CPNE9: variants seen among roughly 807,000 people sequenced by gnomAD.
The protein encoded by CPNE9 is copine family member 9.
A neutral mutation model predicts 83.0 loss-of-function variants in CPNE9; 59 were observed. The observed-to-expected ratio is 0.71, with a 90% CI of 0.58 to 0.88. CPNE9 has a LOEUF of 0.88. Ranked by LOEUF, CPNE9 falls within the 40% of genes least tolerant of loss-of-function variation. The probability of loss-of-function intolerance (pLI) is 0.00; values close to 1 mark genes in which losing one functional copy is unlikely to be tolerated. For missense variants in CPNE9, 619 were observed against 720.8 expected (o/e 0.86, Z 1.62); for synonymous variants, 256 against 273.4 (o/e 0.94, Z 0.63).
At position 9,704,598 on chromosome 3, in the gene CPNE9, A is replaced by G. The variant is rs1333701778; in HGVS notation, c.80A>G (p.Asp27Gly). Residue 27 changes from aspartate to glycine, a missense_variant, in exon 2 of 21, where the codon GAC (aspartate) becomes GGC (glycine). Physicochemically the swap from Asp to Gly is moderately conservative, Grantham distance 94 (BLOSUM62 -1). Around this residue, in one of 3 missense-constraint regions of CPNE9, gnomAD observed 130 missense variants for 117.5 expected, o/e 1.11. Transcript: ENST00000383832. The surrounding 1 kb of genome is among the most constrained non-coding windows in gnomAD (Gnocchi z 7.1). ...TTGCTTTTCTCTAGGAACCTGCTAG[A>G]CCTTGATACCTTCTCCAAGTCCGAC... ...EITVSCRNLL[D>G]LDTFSKSDPM... 1.9e-6 allele frequency: 3 copies of G among 1,613,864 alleles called. No homozygotes were observed. Among genetic ancestry groups the G allele is most frequent in the Non-Finnish European group, 2.5e-6 (3 of 1,179,818 alleles).
chr3:9,725,615 C>CATGTGTATATATATGTATATACATGT (rs1553691774), intron 17 of CPNE9, among the ~76,000 whole-genome samples: 3 of 81,606 alleles, frequency 3.7e-5, no homozygotes, highest in East Asian at 2.4e-4. Context: ...TATGTGTATA[C>CATGTGTATATATATGTATATACATGT]ATGTGTATAT....
In CPNE9 at chr3:9,718,469, T is replaced by C. The variant is rs760809554; in HGVS notation, c.1114-6T>C. 6.2e-7 allele frequency: 1 copy of C among 1,611,968 alleles called. No homozygotes were observed. Among genetic ancestry groups the C allele is most frequent in the South Asian group, 1.1e-5 (1 of 90,988 alleles). Reference sequence around the variant, plus strand: ...GCTCAGCCTGGCAGGGCATATTCTTTGACAGAACAACAATGATGAGGACCC... The same window carrying C: ...GCTCAGCCTGGCAGGGCATATTCTTCGACAGAACAACAATGATGAGGACCC... On this transcript the variant is annotated splice_polypyrimidine_tract_variant and splice_region_variant and intron_variant, in intron 16 of 20. Coordinates refer to ENST00000383832, the MANE Select transcript of CPNE9 (RefSeq NM_153635.3).
chr3:9,710,680 G>A (rs1405250012), intron 7 of CPNE9, among the ~76,000 whole-genome samples: 1 of 152,208 alleles, frequency 6.6e-6, no homozygotes, highest in African/African-American at 2.4e-5. Flanking sequence ...GTGTGGGTTA[G>A]GCAGAGTGAG....
At position 9,705,750 on chromosome 3, in the gene CPNE9, G is replaced by A. The variant is rs1488673808; in HGVS notation, c.300+30G>A. 3.7e-6 allele frequency: 6 copies of A among 1,608,690 alleles called. No individual in the cohort carries two copies. The South Asian group carries it at 4.4e-5, about 12-fold the overall frequency. ...GGCTGAATGGGGCTGGGCAGAGGTT[G>A]GGGGTGGGGGTGGTATTGTGGAGAA... On this transcript the variant is annotated intron_variant, in intron 6 of 20. Coordinates refer to ENST00000383832, the MANE Select transcript of CPNE9 (RefSeq NM_153635.3).
At chr3:9,724,147 A>G (rs1051449617) in intron 17 of CPNE9, among the ~76,000 whole-genome samples, 2 of 151,798 alleles carry the variant, frequency 1.3e-5, no homozygotes, top group Non-Finnish European at 1.5e-5. Flanking sequence ...CTGGAAGTCA[A>G]GAGACCAGGG....
chr3:9,721,933 T>G (rs2125473423), intron 17 of CPNE9, among the ~76,000 whole-genome samples: 1 of 152,082 alleles, frequency 6.6e-6, no homozygotes, highest in South Asian at 2.1e-4. Context: ...GTTTTTTTTT[T>G]TTTGAGATGG....
At chr3:9,705,087 T>A in intron 4 of CPNE9, 93 bp downstream of exon 4, 1 of 916,304 alleles carries the variant, frequency 1.1e-6, no homozygotes, top group Non-Finnish European at 1.7e-6. Flanking sequence ...GCCTCCGGCC[T>A]GGTTCTTCTC....
chr3:9,727,377 G>C (rs183027210), intron 20 of CPNE9, 191 bp downstream of exon 20: 5 of 749,520 alleles, frequency 6.7e-6, no homozygotes, highest in Admixed American at 2.0e-5. Flanking sequence ...CACATCCGTG[G>C]TGTAGGTCGG....
chr3:9,715,002 G>T (rs776754488), intron 11 of CPNE9, 47 bp downstream of exon 11: 1 of 1,554,304 alleles, frequency 6.4e-7, no homozygotes, highest in Admixed American at 1.8e-5. Flanking sequence ...GACCCAAGCA[G>T]TTCTCAATAA....
At chr3:9,724,723 TC>T (rs1373335325) in intron 17 of CPNE9, among the ~76,000 whole-genome samples, 1 of 1,486 alleles carries the variant, frequency 6.7e-4, no homozygotes, top group African/African-American at 4.1e-3. Context: ...CAGGATCCTA[TC>T]TATCTATCTA....
chr3:9,727,050 G>GA, intron 19 of CPNE9, 63 bp from the exon 20 acceptor site: 2 of 1,567,472 alleles, frequency 1.3e-6, no homozygotes, highest in Non-Finnish European at 1.8e-6. Context: ...AGCTCAAAGG[G>GA]AGGGGGCAGC....
At chr3:9,718,667 G>A in intron 17 of CPNE9, 65 bp downstream of exon 17, 2 of 1,568,444 alleles carry the variant, frequency 1.3e-6, no homozygotes, top group South Asian at 1.1e-5. Context: ...ACCCCCCAAG[G>A]ATAGTCAGGA....
intron 17 of CPNE9, among the ~76,000 whole-genome samples, chr3:9,720,463 T>C (rs1206313254): frequency 1.3e-5 from 2 of 152,184 alleles, no homozygotes; most frequent in Non-Finnish European, 2.9e-5. Flanking sequence ...GGGTTTGTTG[T>C]ACAGATTATT....
chr3:9,727,607 A>G (rs2076796426), intron 20 of CPNE9, among the ~76,000 whole-genome samples: 1 of 152,204 alleles, frequency 6.6e-6, no homozygotes, highest in Non-Finnish European at 1.5e-5. Context: ...GAGGAGCAGC[A>G]TGTGAGAAGG....
intron 8 of CPNE9, 27 bp downstream of exon 8, chr3:9,712,631 A>G: frequency 1.2e-6 from 2 of 1,611,880 alleles, no homozygotes; most frequent in Non-Finnish European, 1.7e-6. Context: ...TGCTAGACCC[A>G]GGAGCTCCCT....
At chr3:9,727,069 G>A (rs1300411164) in intron 19 of CPNE9, 44 bp from the exon 20 acceptor site, 1 of 1,606,932 alleles carries the variant, frequency 6.2e-7, no homozygotes, top group Non-Finnish European at 8.5e-7. Flanking sequence ...GCATGGGGTG[G>A]GGCTGGAGAG....
In CPNE9 at chr3:9,715,662, G is replaced by A. The variant is rs1450770709; in HGVS notation, c.822+136G>A. On this transcript the variant is annotated intron_variant, in intron 13 of 20. Transcript: ENST00000383832. ...GGAATAGTAATATTGGGCACAAGGA[G>A]CACCACTTAAGTTTTTCTTTGTTTT... is the stretch of plus-strand genomic sequence containing the variant. The A allele has an allele frequency of 1.6e-5, 12 of 747,854 alleles. No individual in the cohort carries two copies. The Admixed American group carries it at 3.1e-4, about 20-fold the overall frequency. The allele number at this position is 747,854 out of a possible 1,614,324, so 46.3% of individuals were successfully genotyped here. A position where few individuals can be genotyped will look rare whatever the true frequency, so the allele number is the denominator to read the frequency against.
Position 9,704,158 on chromosome 3 carries a change from G to C in CPNE9, c.68+94G>C. 2 of 1,194,482 alleles carry C rather than the reference G, an allele frequency of 1.7e-6. No homozygotes were observed. Among genetic ancestry groups the C allele is most frequent in the Non-Finnish European group, 1.2e-6 (1 of 848,366 alleles). 74.0% of individuals were successfully genotyped at this position (1,194,482 alleles called of 1,614,324 possible). ...AGCCTGGGCAGGGGCTAGACCCCCG[G>C]GGAGAGGCGAAATTGGCTGGAAAAT... is the stretch of plus-strand genomic sequence containing the variant. On this transcript the variant is annotated intron_variant, in intron 1 of 20. Transcript: ENST00000383832. The surrounding 1 kb of genome is among the most constrained non-coding windows in gnomAD (Gnocchi z 7.1).
chr3:9,705,534 G>A (rs767848325), intron 5 of CPNE9, 34 bp downstream of exon 5: 2 of 1,606,768 alleles, frequency 1.2e-6, no homozygotes, highest in Non-Finnish European at 8.5e-7. Context: ...TTGGCGGAGC[G>A]CACAGGAGGC....
Sources: allele counts gnomAD v4.1 joint callset (sites outside exome capture counted in the v4.1 genomes callset), GRCh38; gene constraint gnomAD v4.1.1; regional missense constraint gnomAD v4.1.1; non-coding constraint Gnocchi (gnomAD v3.1); transcripts MANE v1.5; gene names NCBI Gene and HGNC (gene_info 2026-07-23, HGNC 2026-07-21).